HPS3: variants seen among roughly 807,000 people sequenced by gnomAD.
The protein encoded by HPS3 is BLOC-2 complex member HPS3.
In HPS3, 79 loss-of-function variants were observed where a neutral mutation model predicts 110.9. The ratio of observed to expected loss-of-function variants is 0.71; its 90% CI spans 0.59 to 0.86. HPS3 has a LOEUF of 0.86. HPS3 is among the 40% of genes least tolerant of loss of function. HPS3 has a pLI of 0.00. For synonymous variants in HPS3, 428 were observed against 451.0 expected (o/e 0.95, Z 0.65); for missense variants, 1,197 against 1,206.2 (o/e 0.99, Z 0.11).
At chr3:149,170,078 G>A (rs1724821888) in intron 16 of HPS3, among the ~76,000 whole-genome samples, 1 of 152,014 alleles carries the variant, frequency 6.6e-6, no homozygotes, top group African/African-American at 2.4e-5. Flanking sequence ...GATGGGGCTT[G>A]GATTAAATAA....
chr3:149,170,788 G>C (rs562891472), intron 16 of HPS3, among the ~76,000 whole-genome samples: 1 of 152,304 alleles, frequency 6.6e-6, no homozygotes, highest in Admixed American at 6.5e-5. Context: ...TAGAGTAAGC[G>C]ATGGGCATGC....
At chr3:149,142,231 T>C (rs967656426) in intron 4 of HPS3, among the ~76,000 whole-genome samples, 1 of 152,232 alleles carries the variant, frequency 6.6e-6, no homozygotes, top group African/African-American at 2.4e-5. Context: ...CATGACAGAC[T>C]GAACTCATTT....
At chr3:149,146,742 T>A (rs1459495918) in intron 5 of HPS3, among the ~76,000 whole-genome samples, 1 of 152,172 alleles carries the variant, frequency 6.6e-6, no homozygotes, top group Non-Finnish European at 1.5e-5. Flanking sequence ...AAGTGAACAA[T>A]GTGGAGGTAG....
intron 14 of HPS3, chr3:149,166,059 A>G (rs1284085290): frequency 2.2e-6 from 1 of 456,000 alleles, no homozygotes; most frequent in East Asian, 7.0e-5. Context: ...TGCTGTAGCA[A>G]AAAGGGTACA....
chr3:149,169,136 A>T (rs569969395), intron 16 of HPS3, among the ~76,000 whole-genome samples: 5 of 150,170 alleles, frequency 3.3e-5, no homozygotes, highest in African/African-American at 7.6e-5. Context: ...ATAGTGTTTT[A>T]TTCATTTTTT....
At chr3:149,157,111 G>A (rs1576685494) in intron 8 of HPS3, among the ~76,000 whole-genome samples, 2 of 152,126 alleles carry the variant, frequency 1.3e-5, no homozygotes, top group East Asian at 1.9e-4. Flanking sequence ...GTAATGATTA[G>A]AGCTGTTTAA....
intron 3 of HPS3, 25 bp downstream of exon 3, chr3:149,141,213 T>TTA: frequency 4.4e-6 from 7 of 1,591,356 alleles, no homozygotes; most frequent in Middle Eastern, 1.7e-4. Flanking sequence ...TTTTTTTTTT[T>TTA]ACCAGCATTT....
chr3:149,137,522 C>T (rs1160911996), intron 1 of HPS3, among the ~76,000 whole-genome samples: 2 of 152,104 alleles, frequency 1.3e-5, no homozygotes, highest in Non-Finnish European at 2.9e-5. Flanking sequence ...TACATGCACA[C>T]CAATGTTTGT....
At chr3:149,135,895 T>C (rs958872321) in intron 1 of HPS3, among the ~76,000 whole-genome samples, 6 of 152,104 alleles carry the variant, frequency 3.9e-5, no homozygotes, top group African/African-American at 1.4e-4. Flanking sequence ...TTTCTCTCAG[T>C]TTTCCTGGAG....
rs1724499192 is a variant in HPS3, at chr3:149,167,096, A to G, written c.2652A>G (p.Ser884=). Residue 884 remains serine (S), a synonymous_variant, in exon 15 of 17, where the codon TCA becomes TCG. Coordinates refer to ENST00000296051, the MANE Select transcript of HPS3 (RefSeq NM_032383.5). ...TTATTCCGTTCTTGGAGCCACTTTC[A>G]GAAGACACTATTGCCGGCCTCAGTG... ...ASIIPFLEPL[S]EDTIAGLSVH... is the part of the protein sequence containing the mutation. The G allele has an allele frequency of 6.2e-7, 1 of 1,613,780 alleles. No individual in the cohort carries two copies. The highest frequency in any genetic ancestry group is 1.1e-5 in the South Asian group (1 of 91,078).
intron 14 of HPS3, among the ~76,000 whole-genome samples, chr3:149,165,664 C>T (rs1198543660): frequency 1.3e-5 from 2 of 152,062 alleles, no homozygotes; most frequent in Non-Finnish European, 2.9e-5. Context: ...TTCTTGATTA[C>T]ATGGATAAAA....
At chr3:149,155,792 G>A (rs1156260525) in intron 8 of HPS3, among the ~76,000 whole-genome samples, 1 of 152,182 alleles carries the variant, frequency 6.6e-6, no homozygotes, top group Non-Finnish European at 1.5e-5. Flanking sequence ...CCAACCCTTT[G>A]GGAGGCTGAG....
In HPS3 at chr3:149,153,487, T is replaced by C; in HGVS notation, c.1246-7T>C. On this transcript the variant is annotated splice_polypyrimidine_tract_variant and splice_region_variant and intron_variant, in intron 6 of 16. Transcript: ENST00000296051. ...TCTTGCTTAAATATGTGATTTTCCT[T>C]TACTAGGCTTGCCCACCTGTCAGTA... The C allele has an allele frequency of 6.2e-7, 1 of 1,612,752 alleles. No individual in the cohort carries two copies. Among genetic ancestry groups the C allele is most frequent in the Non-Finnish European group, 8.5e-7 (1 of 1,178,714 alleles).
At chr3:149,155,056 C>T in intron 7 of HPS3, 51 bp from the exon 8 acceptor site, 2 of 910,604 alleles carry the variant, frequency 2.2e-6, no homozygotes, top group Non-Finnish European at 3.7e-6. Context: ...TTACAACTAC[C>T]ATTTATTAAT....
intron 1 of HPS3, among the ~76,000 whole-genome samples, chr3:149,134,093 TG>T (rs1721934591): frequency 6.6e-6 from 1 of 152,224 alleles, no homozygotes; most frequent in Non-Finnish European, 1.5e-5. Flanking sequence ...CTTACTCTGC[TG>T]TCATTGGTTT....
At chr3:149,142,179 A>G (rs1320305326) in intron 4 of HPS3, among the ~76,000 whole-genome samples, 4 of 152,170 alleles carry the variant, frequency 2.6e-5, no homozygotes, top group Admixed American at 6.5e-5. Flanking sequence ...TATGAGTACT[A>G]GAAAGGGAAG....
chr3:149,140,010 A>G lies in HPS3; in HGVS notation c.224A>G (p.Tyr75Cys), dbSNP rs765540129. Reference protein sequence around the residue: ...LRLAYSEAGDYLVAIEEKNKA... With the variant: ...LRLAYSEAGDCLVAIEEKNKA... ...AATCTTCATTCCTTCTCAGGAGATTATTTGGTAGCAATTGAAGAGAAAAAC... is the reference window on the plus strand; with the variant it reads ...AATCTTCATTCCTTCTCAGGAGATTGTTTGGTAGCAATTGAAGAGAAAAAC... Residue 75 changes from tyrosine to cysteine, a missense_variant, in exon 2 of 17, where the codon TAT becomes TGT. Transcript: ENST00000296051. 5.0e-6 allele frequency: 8 copies of G among 1,612,858 alleles called. No individual in the cohort carries two copies. The South Asian group carries it at 8.8e-5, about 18-fold the overall frequency.
intron 11 of HPS3, among the ~76,000 whole-genome samples, chr3:149,161,467 A>AAAAG (rs1051642528): frequency 1.1e-4 from 17 of 151,646 alleles, no homozygotes; most frequent in South Asian, 2.1e-4. Context: ...AATAATAATA[A>AAAAG]AATCTGTACA....
chr3:149,130,261 T>C (rs1418905354), intron 1 of HPS3: 7 of 440,816 alleles, frequency 1.6e-5, no homozygotes, highest in East Asian at 4.2e-5. Flanking sequence ...AAAAACTCTT[T>C]AGTGCATCAG....
Sources: gnomAD v4.1 joint callset for allele counts (sites outside exome capture counted in the v4.1 genomes callset) on GRCh38, gnomAD v4.1.1 for gene constraint, MANE v1.5 for transcripts, NCBI Gene and HGNC (gene_info 2026-07-23, HGNC 2026-07-21) for gene names.